Variants in RPAP2 observed in about 807,000 individuals in gnomAD.
RPAP2 encodes RNA polymerase II associated protein 2.
Under a neutral mutation model 73.1 loss-of-function variants are expected in RPAP2, and 52 were observed. The ratio of observed to expected loss-of-function variants is 0.71; its 90% CI spans 0.57 to 0.90. The LOEUF is 0.90. Ranked by LOEUF, RPAP2 falls within the 40% of genes least tolerant of loss-of-function variation. The pLI, the probability that RPAP2 is intolerant of heterozygous loss-of-function variation, is 0.00. For missense variants in RPAP2, 598 were observed against 701.8 expected (o/e 0.85, Z 1.67); for synonymous variants, 225 against 242.1 (o/e 0.93, Z 0.65).
chr1:92,384,100 G>C (rs540065311), intron 12 of RPAP2, among the ~76,000 whole-genome samples: 1 of 151,470 alleles, frequency 6.6e-6, no homozygotes. Context: ...TGGGACTACA[G>C]GCGTGCACCA....
At chr1:92,338,818 C>T (rs1443257023) in intron 10 of RPAP2, among the ~76,000 whole-genome samples, 7 of 151,762 alleles carry the variant, frequency 4.6e-5, no homozygotes, top group Non-Finnish European at 1.0e-4. Flanking sequence ...CTATGTTGCC[C>T]AGGCTGGTCT....
intron 11 of RPAP2, among the ~76,000 whole-genome samples, chr1:92,361,210 T>A (rs1654720505): frequency 6.6e-6 from 1 of 151,998 alleles, no homozygotes; most frequent in African/African-American, 2.4e-5. Flanking sequence ...ATATTGTGTT[T>A]GGACAATATG....
intron 11 of RPAP2, among the ~76,000 whole-genome samples, chr1:92,371,243 C>T (rs1171663565): frequency 7.9e-5 from 12 of 151,030 alleles, no homozygotes; most frequent in Admixed American, 4.0e-4. Flanking sequence ...AGGCAGAGTT[C>T]GCAGTGAGCT....
chr1:92,370,262 A>G (rs945845261), intron 11 of RPAP2, among the ~76,000 whole-genome samples: 1 of 152,188 alleles, frequency 6.6e-6, no homozygotes, highest in Non-Finnish European at 1.5e-5. Context: ...CAGTTTGGAC[A>G]ATATTTATAT....
chr1:92,392,077 C>T lies in RPAP2; in HGVS notation c.*5066C>T, dbSNP rs938167292. On this transcript the variant is annotated 3_prime_UTR_variant, in exon 13 of 13. Coordinates refer to ENST00000610020, the MANE Select transcript of RPAP2 (RefSeq NM_024813.3). ...ATACCAAAGCCTGGCAGAGACACAACAAAAAAAGAGAATTTTAGGCCAATA... is the reference window on the plus strand; with the variant it reads ...ATACCAAAGCCTGGCAGAGACACAATAAAAAAAGAGAATTTTAGGCCAATA... 5.9e-5 allele frequency: 9 copies of T among 152,002 alleles called. No individual in the cohort carries two copies. Among genetic ancestry groups the T allele is most frequent in the African/African-American group, 2.2e-4 (9 of 41,376 alleles). 9.4% of individuals were successfully genotyped at this position (152,002 alleles called of 1,614,324 possible). A position where few individuals can be genotyped will look rare whatever the true frequency, so the allele number is the denominator to read the frequency against.
intron 3 of RPAP2, among the ~76,000 whole-genome samples, chr1:92,303,119 C>A (rs1364954440): frequency 6.6e-6 from 1 of 152,054 alleles, no homozygotes; most frequent in Non-Finnish European, 1.5e-5. Flanking sequence ...TTTTTGTAAT[C>A]CTTAAGAGGG....
At chr1:92,328,367 T>C (rs1311722748) in intron 8 of RPAP2, among the ~76,000 whole-genome samples, 1 of 152,220 alleles carries the variant, frequency 6.6e-6, no homozygotes, top group Non-Finnish European at 1.5e-5. Context: ...TCTTTTTTCT[T>C]TGTTGGACTG....
intron 2 of RPAP2, 114 bp from the exon 3 acceptor site, chr1:92,301,362 A>G: frequency 1.5e-5 from 6 of 396,178 alleles, no homozygotes; most frequent in East Asian, 4.6e-5. Flanking sequence ...AAATTTTTTA[A>G]ATATATTTAA....
chr1:92,302,789 A>G (rs1157739611), intron 3 of RPAP2, among the ~76,000 whole-genome samples: 1 of 151,626 alleles, frequency 6.6e-6, no homozygotes, highest in African/African-American at 2.4e-5. Context: ...TTTAGTAGAG[A>G]TGGGATTTCA....
At chr1:92,320,486 T>C in intron 6 of RPAP2, 113 bp from the exon 7 acceptor site, 1 of 715,224 alleles carries the variant, frequency 1.4e-6, no homozygotes, top group South Asian at 1.7e-5. Flanking sequence ...TTGGCCAGGA[T>C]GGTCTCAATC....
intron 11 of RPAP2, among the ~76,000 whole-genome samples, chr1:92,364,459 A>G (rs1654853859): frequency 6.6e-6 from 1 of 152,160 alleles, no homozygotes; most frequent in Non-Finnish European, 1.5e-5. Flanking sequence ...CCAAAATGGT[A>G]TCTTCAGCTC....
chr1:92,367,859 G>T (rs1209346509), intron 11 of RPAP2, among the ~76,000 whole-genome samples: 1 of 152,186 alleles, frequency 6.6e-6, no homozygotes, highest in Non-Finnish European at 1.5e-5. Context: ...CTACTCGTTT[G>T]ATTTTGCAAA....
At position 92,323,960 on chromosome 1, in the gene RPAP2, T is replaced by C; in HGVS notation, c.1040T>C (p.Val347Ala). The change falls in exon 8 of 13, where the codon GTG becomes GCG. Residue 347 changes from valine (V) to alanine (A), a missense_variant. By Grantham distance (64) the Val-to-Ala change is moderately conservative. Coordinates refer to ENST00000610020, the MANE Select transcript of RPAP2 (RefSeq NM_024813.3). Reference protein sequence around the residue: ...FKRKFAKSNQVSRSVSSSVQV... With the variant: ...FKRKFAKSNQASRSVSSSVQV... The stretch of plus-strand genomic sequence containing the variant: ...AGAAAATTTGCCAAATCAAACCAAG[T>C]GTCTAGGTCAGTGTCTAGTTCAGTG... 5 of 1,614,154 alleles carry C rather than the reference T, an allele frequency of 3.1e-6. No homozygotes were observed. Among genetic ancestry groups the C allele is most frequent in the Non-Finnish European group, 4.2e-6 (5 of 1,180,008 alleles).
chr1:92,365,367 A>G (rs1654893275), intron 11 of RPAP2, among the ~76,000 whole-genome samples: 1 of 149,840 alleles, frequency 6.7e-6, no homozygotes, highest in African/African-American at 2.5e-5. Context: ...AATACTGGCT[A>G]TACATTAGAA....
intron 8 of RPAP2, 192 bp from the exon 9 acceptor site, chr1:92,333,199 A>G: frequency 1.9e-6 from 1 of 530,194 alleles, no homozygotes; most frequent in Non-Finnish European, 3.4e-6. Context: ...AAGAGGGCAA[A>G]TGACTCAAAG....
chr1:92,315,260 T>C (rs1447321577), intron 6 of RPAP2, among the ~76,000 whole-genome samples: 2 of 152,214 alleles, frequency 1.3e-5, no homozygotes, highest in Non-Finnish European at 2.9e-5. Flanking sequence ...AACAGCTGGT[T>C]GGTGGATCAG....
At chr1:92,335,928 T>A (rs1653256964) in intron 9 of RPAP2, among the ~76,000 whole-genome samples, 1 of 152,200 alleles carries the variant, frequency 6.6e-6, no homozygotes, top group Non-Finnish European at 1.5e-5. Flanking sequence ...TAATATATAT[T>A]GTCAAATTGC....
Position 92,380,883 on chromosome 1 carries a change from A to C in RPAP2, c.1838+10A>C. Reference sequence around the variant, plus strand: ...GCTGTTTACCAGAGTGGTAAGTTGGATTGTGTTTTATTTTGGTTTTTATTC... The same window carrying C: ...GCTGTTTACCAGAGTGGTAAGTTGGCTTGTGTTTTATTTTGGTTTTTATTC... On this transcript the variant is annotated intron_variant, in intron 12 of 12. Transcript: ENST00000610020. 1 of 1,541,766 alleles carries C rather than the reference A, an allele frequency of 6.5e-7. No homozygotes were observed. The highest frequency in any genetic ancestry group is 8.7e-7 in the Non-Finnish European group (1 of 1,153,240).
At chr1:92,310,189 A>C (rs774166648) in intron 6 of RPAP2, among the ~76,000 whole-genome samples, 1 of 152,202 alleles carries the variant, frequency 6.6e-6, no homozygotes, top group Non-Finnish European at 1.5e-5. Context: ...GTGTATAACC[A>C]TATCAGTATC....
Sources: gnomAD v4.1 joint callset for allele counts (sites outside exome capture counted in the v4.1 genomes callset) on GRCh38, gnomAD v4.1.1 for gene constraint, MANE v1.5 for transcripts, NCBI Gene and HGNC (gene_info 2026-07-23, HGNC 2026-07-21) for gene names.